PPP2R3A: variants seen among roughly 807,000 people sequenced by gnomAD.
The protein encoded by PPP2R3A is serine/threonine-protein phosphatase 2A regulatory subunit B'' subunit alpha.
In PPP2R3A, 80 loss-of-function variants were observed where a neutral mutation model predicts 106.9. The ratio of observed to expected loss-of-function variants is 0.75; its 90% CI spans 0.62 to 0.90. The LOEUF (loss-of-function observed/expected upper bound fraction) is 0.90, where lower values mean the gene tolerates loss of function less well. PPP2R3A is among the 40% of genes least tolerant of loss of function. The pLI is 0.00. For missense variants in PPP2R3A, 1,386 were observed against 1,350.4 expected (o/e 1.03, Z -0.41); for synonymous variants, 483 against 468.3 (o/e 1.03, Z -0.41).
chr3:136,052,746 T>G (rs192062067), intron 5 of PPP2R3A, among the ~76,000 whole-genome samples: 217 of 152,276 alleles, frequency 1.4e-3, no homozygotes, highest in African/African-American at 5.0e-3. Flanking sequence ...TTCCCTTAAA[T>G]CTAAGGAGAA....
chr3:136,138,492 T>C (rs1244323956), intron 13 of PPP2R3A, among the ~76,000 whole-genome samples: 1 of 152,104 alleles, frequency 6.6e-6, no homozygotes, highest in Non-Finnish European at 1.5e-5. Flanking sequence ...TTAGGAAACT[T>C]CAACAAGAGT....
At chr3:136,124,962 A>C (rs1938130489) in intron 13 of PPP2R3A, among the ~76,000 whole-genome samples, 1 of 152,196 alleles carries the variant, frequency 6.6e-6, no homozygotes, top group Non-Finnish European at 1.5e-5. Flanking sequence ...AAATTGAAAA[A>C]TCAGAATAGG....
rs745984962 is a variant in PPP2R3A, at chr3:136,103,253, T to C, written c.3104-5T>C. The C allele has an allele frequency of 2.6e-6, 4 of 1,561,438 alleles. No individual in the cohort carries two copies. Among genetic ancestry groups the C allele is most frequent in the Non-Finnish European group, 3.5e-6 (4 of 1,146,320 alleles). On this transcript the variant is annotated splice_region_variant and splice_polypyrimidine_tract_variant and intron_variant, in intron 11 of 13. Transcript: ENST00000264977. ...AATTTACCAGATTTGTTTATTTTTA[T>C]GTAGGCAAAATAACTCTAAGAGATC...
At chr3:135,996,796 A>G (rs1243374313) in intron 1 of PPP2R3A, among the ~76,000 whole-genome samples, 1 of 152,150 alleles carries the variant, frequency 6.6e-6, no homozygotes, top group Non-Finnish European at 1.5e-5. Context: ...TTTCATTAAC[A>G]TCTATTTCAG....
At chr3:136,046,214 G>T (rs1346008129) in intron 4 of PPP2R3A, among the ~76,000 whole-genome samples, 1 of 152,148 alleles carries the variant, frequency 6.6e-6, no homozygotes, top group African/African-American at 2.4e-5. Flanking sequence ...CACGTTGGGA[G>T]GCCGAGGCAG....
rs1459216490 is a variant in PPP2R3A, at chr3:136,002,101, T to G, written c.603T>G (p.Phe201Leu). The change falls in exon 2 of 14, where the codon TTT becomes TTG. Residue 201 changes from phenylalanine (F) to leucine (L), a missense_variant. Coordinates refer to ENST00000264977, the MANE Select transcript of PPP2R3A (RefSeq NM_002718.5). ...NSLDTNLTSM[F>L]LQNFSEEDLV... ...TGGATACGAACCTGACTTCCATGTT[T>G]CTTCAAAACTTTTCTGAAGAAGACT... The G allele has an allele frequency of 9.9e-6, 16 of 1,614,022 alleles. No individual in the cohort carries two copies. The highest frequency in any genetic ancestry group is 1.4e-5 in the Non-Finnish European group (16 of 1,180,020).
chr3:136,003,925 G>C (rs4678434), intron 2 of PPP2R3A, among the ~76,000 whole-genome samples: 1 of 152,122 alleles, frequency 6.6e-6, no homozygotes, highest in Non-Finnish European at 1.5e-5. Flanking sequence ...CTGCATGCCT[G>C]TGTAGACCTG....
chr3:136,100,236 G>A (rs575757725), intron 10 of PPP2R3A, among the ~76,000 whole-genome samples: 8 of 152,096 alleles, frequency 5.3e-5, no homozygotes, highest in East Asian at 3.9e-4. Flanking sequence ...AAGGCCAGGC[G>A]CAGGAGCTCA....
intron 5 of PPP2R3A, among the ~76,000 whole-genome samples, chr3:136,050,794 C>T (rs1211239643): frequency 6.6e-6 from 1 of 152,152 alleles, no homozygotes; most frequent in Non-Finnish European, 1.5e-5. Context: ...GCCTTCAATT[C>T]TCCTTGCTTG....
intron 10 of PPP2R3A, among the ~76,000 whole-genome samples, chr3:136,099,069 A>C (rs1295821021): frequency 6.6e-6 from 1 of 152,228 alleles, no homozygotes; most frequent in Admixed American, 6.5e-5. Context: ...TTCCTCACTC[A>C]GCTAACAGAA....
At chr3:136,125,895 AC>A (rs1559934157) in intron 13 of PPP2R3A, among the ~76,000 whole-genome samples, 1 of 152,236 alleles carries the variant, frequency 6.6e-6, no homozygotes, top group Non-Finnish European at 1.5e-5. Context: ...ATTATCATTG[AC>A]AAAACCCAAC....
At chr3:135,992,269 A>C (rs934712012) in intron 1 of PPP2R3A, among the ~76,000 whole-genome samples, 1 of 152,178 alleles carries the variant, frequency 6.6e-6, no homozygotes, top group African/African-American at 2.4e-5. Context: ...TAAATGACTC[A>C]TTACTTCTGA....
intron 13 of PPP2R3A, among the ~76,000 whole-genome samples, chr3:136,110,711 C>T (rs1937580201): frequency 6.6e-6 from 1 of 152,152 alleles, no homozygotes; most frequent in Non-Finnish European, 1.5e-5. Flanking sequence ...CTGAGCTATT[C>T]ATTTCATATT....
intron 13 of PPP2R3A, among the ~76,000 whole-genome samples, chr3:136,138,162 C>T (rs746258166): frequency 7.2e-5 from 11 of 152,138 alleles, no homozygotes; most frequent in African/African-American, 1.4e-4. Flanking sequence ...AGAGCCTCTA[C>T]GTGGGCCTGA....
At chr3:136,018,313 A>G (rs1255969727) in intron 2 of PPP2R3A, among the ~76,000 whole-genome samples, 1 of 152,242 alleles carries the variant, frequency 6.6e-6, no homozygotes, top group Admixed American at 6.5e-5. Flanking sequence ...CATTGCATAT[A>G]TAATACTGTT....
In PPP2R3A at chr3:136,041,250, G is replaced by GTTTTTTTTTTTTTTTT. The variant is rs1246326384; in HGVS notation, c.2366+299_2366+300insTTTTTTTTTTTTTTTT. On this transcript the variant is annotated intron_variant, in intron 4 of 13. Coordinates refer to ENST00000264977, the MANE Select transcript of PPP2R3A (RefSeq NM_002718.5). Reference sequence around the variant, plus strand: ...CTTGGTTTTTCTTGTTTTTTTTTTTGTTTTTTTTTTTGTTTTTTTTTTTTT... The same window carrying GTTTTTTTTTTTTTTTT: ...CTTGGTTTTTCTTGTTTTTTTTTTTGTTTTTTTTTTTTTTTTTTTTTTTTTTTGTTTTTTTTTTTTT... 8.1e-4 allele frequency among the ~76,000 whole-genome samples: 46 copies of GTTTTTTTTTTTTTTTT among 56,556 alleles called. 6 individuals carry two copies. The highest frequency in any genetic ancestry group is 1.5e-3 in the African/African-American group (26 of 16,872). The allele number at this position is 56,556 out of a possible 152,430, so 37.1% of individuals were successfully genotyped here. A position where few individuals can be genotyped will look rare whatever the true frequency, so the allele number is the denominator to read the frequency against.
At position 136,003,505 on chromosome 3, in the gene PPP2R3A, C is replaced by A. The variant is rs1933730995; in HGVS notation, c.1995+12C>A. ...CAGAGGTGATCAAGGTAAGACCCAA[C>A]AATTTTGAGTCCTAGGAACTCTTTA... On this transcript the variant is annotated intron_variant, in intron 2 of 13. Transcript: ENST00000264977. 1 of 1,552,980 alleles carries A rather than the reference C, an allele frequency of 6.4e-7. No homozygotes were observed. The highest frequency in any genetic ancestry group is 2.1e-5 in the Admixed American group (1 of 47,922).
At chr3:136,063,955 G>A (rs571565034) in intron 5 of PPP2R3A, among the ~76,000 whole-genome samples, 3,516 of 150,058 alleles carry the variant, frequency 0.023, 55 homozygotes, top group Non-Finnish European at 0.036. Context: ...CTGCTATAAA[G>A]ACACACGCAC....
At chr3:136,116,537 A>T (rs1937768574) in intron 13 of PPP2R3A, among the ~76,000 whole-genome samples, 1 of 152,228 alleles carries the variant, frequency 6.6e-6, no homozygotes, top group Admixed American at 6.5e-5. Context: ...AAGTAAAAGG[A>T]TGGAGGAATA....
Sources: allele counts gnomAD v4.1 joint callset (sites outside exome capture counted in the v4.1 genomes callset), GRCh38; gene constraint gnomAD v4.1.1; transcripts MANE v1.5; gene names NCBI Gene and HGNC (gene_info 2026-07-23, HGNC 2026-07-21).